TIA1: variants seen among roughly 807,000 people sequenced by gnomAD.
TIA1 encodes the protein cytotoxic granule associated RNA binding protein TIA1.
A neutral mutation model predicts 65.9 loss-of-function variants in TIA1; 23 were observed. The ratio of observed to expected loss-of-function variants is 0.35; its 90% CI spans 0.25 to 0.49. TIA1 has a LOEUF of 0.49. Among genes scored for constraint, TIA1 ranks in the 20% least tolerant of loss-of-function variants. The pLI is 0.98. For missense variants in TIA1, 371 were observed against 477.9 expected, an observed-to-expected ratio of 0.78 and a Z score of 2.09; for synonymous variants, 147 against 149.4, an observed-to-expected ratio of 0.98 and a Z score of 0.12.
At chr2:70,238,894 A>G (rs2104639756) in intron 1 of TIA1, among the ~76,000 whole-genome samples, 1 of 152,164 alleles carries the variant, frequency 6.6e-6, no homozygotes, top group East Asian at 1.9e-4. Context: ...TCTACAAAAA[A>G]TAAAAATAAA....
intron 2 of TIA1, among the ~76,000 whole-genome samples, chr2:70,233,116 A>G (rs758005991): frequency 5.3e-5 from 8 of 152,178 alleles, no homozygotes; most frequent in Non-Finnish European, 1.2e-4. Context: ...AGAGGAATAT[A>G]CAATTTTATT....
At chr2:70,227,411 G>A (rs965786517) in intron 6 of TIA1, among the ~76,000 whole-genome samples, 4 of 152,074 alleles carry the variant, frequency 2.6e-5, no homozygotes, top group African/African-American at 9.7e-5. Context: ...AAATTCCTTA[G>A]TTACAGCACA....
intron 1 of TIA1, among the ~76,000 whole-genome samples, chr2:70,241,480 G>C (rs891208016): frequency 1.3e-5 from 2 of 152,094 alleles, no homozygotes; most frequent in East Asian, 3.9e-4. Context: ...TGAACTAGTG[G>C]TTTTACATGA....
At chr2:70,231,448 T>TAA (rs201330386) in intron 2 of TIA1, among the ~76,000 whole-genome samples, 10 of 142,188 alleles carry the variant, frequency 7.0e-5, no homozygotes, top group Admixed American at 4.9e-4. Flanking sequence ...AATTAAAAAG[T>TAA]AAAAAAAAAA....
At chr2:70,213,748 T>C (rs1257967988) in intron 12 of TIA1, among the ~76,000 whole-genome samples, 1 of 151,858 alleles carries the variant, frequency 6.6e-6, no homozygotes, top group Non-Finnish European at 1.5e-5. Context: ...GCCTCCCAGG[T>C]TCAAGTGATT....
chr2:70,225,296 T>A, intron 6 of TIA1: 9 of 1,252,736 alleles, frequency 7.2e-6, no homozygotes, highest in Non-Finnish European at 9.2e-6. Context: ...AGCAAAATTT[T>A]AAAAAGTCAG....
chr2:70,220,044 T>C (rs543435505), intron 7 of TIA1, among the ~76,000 whole-genome samples: 2 of 152,256 alleles, frequency 1.3e-5, no homozygotes, highest in African/African-American at 4.8e-5. Flanking sequence ...ACAGGGTCTT[T>C]GCCGAAGTAA....
At chr2:70,247,246 T>C (rs560837481) in intron 1 of TIA1, among the ~76,000 whole-genome samples, 19 of 152,302 alleles carry the variant, frequency 1.2e-4, no homozygotes, top group African/African-American at 4.1e-4. Context: ...ACAGATTAAC[T>C]GACAATCTAT....
intron 5 of TIA1, among the ~76,000 whole-genome samples, chr2:70,228,059 A>G (rs1179818231): frequency 6.6e-6 from 1 of 152,194 alleles, no homozygotes; most frequent in Non-Finnish European, 1.5e-5. Flanking sequence ...AGTGACATTT[A>G]TATTTCTATT....
intron 7 of TIA1, chr2:70,224,314 C>T: frequency 4.1e-6 from 2 of 491,678 alleles, no homozygotes; most frequent in Non-Finnish European, 7.2e-6. Flanking sequence ...TCAACATCTA[C>T]CTTTGGCTGA....
chr2:70,237,363 T>C (rs940710064), intron 1 of TIA1, among the ~76,000 whole-genome samples: 15 of 152,078 alleles, frequency 9.9e-5, no homozygotes, highest in Admixed American at 3.3e-4. Context: ...GTTGCACCAC[T>C]GCACTCCAGC....
At chr2:70,224,064 C>G (rs967837080) in intron 7 of TIA1, among the ~76,000 whole-genome samples, 2 of 152,016 alleles carry the variant, frequency 1.3e-5, no homozygotes, top group African/African-American at 4.8e-5. Context: ...ACTACAGGCG[C>G]CTGCCACCAC....
At chr2:70,246,427 C>T (rs1694330858) in intron 1 of TIA1, among the ~76,000 whole-genome samples, 1 of 152,168 alleles carries the variant, frequency 6.6e-6, no homozygotes, top group Non-Finnish European at 1.5e-5. Context: ...TTAGTACCCT[C>T]ATGTTTGGTC....
chr2:70,239,897 G>C (rs1024295032), intron 1 of TIA1, among the ~76,000 whole-genome samples: 1 of 152,200 alleles, frequency 6.6e-6, no homozygotes, highest in African/African-American at 2.4e-5. Flanking sequence ...CCACTAAATA[G>C]TGTAATCTAA....
chr2:70,216,344 C>A, intron 9 of TIA1, 52 bp from the exon 10 acceptor site: 1 of 1,582,374 alleles, frequency 6.3e-7, no homozygotes, highest in Non-Finnish European at 8.6e-7. Flanking sequence ...ATATAAAAAT[C>A]CTACAAATAT....
chr2:70,248,309 T>C (rs1452368122), intron 1 of TIA1, 96 bp downstream of exon 1: 5 of 1,397,466 alleles, frequency 3.6e-6, no homozygotes, highest in Admixed American at 2.2e-5. Flanking sequence ...TATCGCGGTG[T>C]CCACGGAGAA....
rs1695557623 is a variant in TIA1 at position 70,248,550 on chromosome 2, C to A, written c.-120G>T. 6.8e-7 allele frequency: 1 copy of A among 1,463,258 alleles called. No individual in the cohort carries two copies. 90.6% of individuals were successfully genotyped at this position (1,463,258 alleles called of 1,614,324 possible). On this transcript the variant is annotated 5_prime_UTR_variant, in exon 1 of 13. Coordinates refer to ENST00000433529, the MANE Select transcript of TIA1 (RefSeq NM_022173.4). ...GTTTCTCGGCTGACCAGAGGTTACT[C>A]CGCCTCCTCCTCCGGCGGCAATTAC...
In TIA1 at chr2:70,212,611, T is replaced by G; in HGVS notation, c.*108A>C. On this transcript the variant is annotated 3_prime_UTR_variant, in exon 13 of 13. Transcript: ENST00000433529. ...AAATGAATCTTTTAAATAAATACAT[T>G]GTATCTGACATTTGCACTGACTGAT... The G allele has an allele frequency of 1.6e-6, 1 of 626,620 alleles. No homozygotes were observed. Among genetic ancestry groups the G allele is most frequent in the Non-Finnish European group, 2.9e-6 (1 of 341,336 alleles). The allele number at this position is 626,620 out of a possible 1,614,324, so 38.8% of individuals were successfully genotyped here.
rs140283533 is a variant in TIA1 at position 70,213,257 on chromosome 2, T to C, written c.1035-412A>G. ...GGTTCCCTACAACGAAAAAGGAACA[T>C]TATACTACTCAAAGAAGAAATCAAA... On this transcript the variant is annotated intron_variant, in intron 12 of 12. Transcript: ENST00000433529. Among the ~76,000 whole-genome samples the C allele has an allele frequency of 8.5e-3, 1,299 of 152,074 alleles. 18 individuals carry two copies. The highest frequency in any genetic ancestry group is 8.2e-3 in the Non-Finnish European group (555 of 67,974).
Sources: allele counts gnomAD v4.1 joint callset (sites outside exome capture counted in the v4.1 genomes callset), GRCh38; gene constraint gnomAD v4.1.1; transcripts MANE v1.5; gene names NCBI Gene and HGNC (gene_info 2026-07-23, HGNC 2026-07-21).